RBL1: variants seen among roughly 807,000 people sequenced by gnomAD.
The protein encoded by RBL1 is RB transcriptional corepressor like 1.
In RBL1, 82 loss-of-function variants were observed where a neutral mutation model predicts 123.0. The observed-to-expected ratio is 0.67, with a 90% CI of 0.56 to 0.80. RBL1 has a LOEUF of 0.80. Ranked by LOEUF, RBL1 falls within the 30% of genes least tolerant of loss-of-function variation. RBL1 has a pLI of 0.00. For missense variants in RBL1, 1,171 were observed against 1,299.6 expected, an observed-to-expected ratio of 0.90 and a Z score of 1.52; for synonymous variants, 405 against 441.3, an observed-to-expected ratio of 0.92 and a Z score of 1.03.
intron 11 of RBL1, among the ~76,000 whole-genome samples, chr20:37,054,767 T>C (rs1164878136): frequency 2.6e-5 from 4 of 151,670 alleles, no homozygotes; most frequent in East Asian, 1.9e-4. Flanking sequence ...GAGATGGAGG[T>C]TGCAGTGAGC....
In RBL1 at chr20:37,067,125, T is replaced by C. The variant is rs1600568687; in HGVS notation, c.557-4A>G. ...TCCCCAATCATCCGAAAATTACCTT[T>C]ATAAGGGAAAAAAAAAAAAAAAAGA... On this transcript the variant is annotated splice_region_variant and splice_polypyrimidine_tract_variant and intron_variant, in intron 4 of 21. Coordinates refer to ENST00000373664, the MANE Select transcript of RBL1 (RefSeq NM_002895.5). The C allele has an allele frequency of 6.4e-7, 1 of 1,563,244 alleles. No individual in the cohort carries two copies. Among genetic ancestry groups the C allele is most frequent in the Non-Finnish European group, 8.6e-7 (1 of 1,165,122 alleles).
chr20:37,084,725 A>G (rs964420597), intron 2 of RBL1, among the ~76,000 whole-genome samples: 4 of 152,140 alleles, frequency 2.6e-5, no homozygotes, highest in African/African-American at 9.7e-5. Flanking sequence ...AGAAAATAAA[A>G]AGAAAAAATA....
At chr20:37,024,634 A>G (rs1162796609) in intron 16 of RBL1, among the ~76,000 whole-genome samples, 1 of 152,188 alleles carries the variant, frequency 6.6e-6, no homozygotes, top group African/African-American at 2.4e-5. Flanking sequence ...AGTTCCTTTT[A>G]TATTTTCTAG....
chr20:37,018,467 C>G, intron 18 of RBL1, 98 bp from the exon 19 acceptor site: 1 of 1,446,676 alleles, frequency 6.9e-7, no homozygotes, highest in Non-Finnish European at 9.1e-7. Flanking sequence ...CAATTAAAAA[C>G]TATTTGTCTG....
intron 21 of RBL1, among the ~76,000 whole-genome samples, chr20:37,000,151 A>C (rs1203738759): frequency 7.4e-6 from 1 of 134,656 alleles, no homozygotes; most frequent in Admixed American, 7.3e-5. Flanking sequence ...GCCCCGTCTG[A>C]GAAGTGAGGA....
In RBL1 at chr20:37,047,147, C is replaced by G; in HGVS notation, c.1511G>C (p.Cys504Ser). Reference sequence around the variant, plus strand: ...GGCAAAGAGCACAATTTCCAAACAACAAGCCATCAAGGAACGATGAAATAT... The same window carrying G: ...GGCAAAGAGCACAATTTCCAAACAAGAAGCCATCAAGGAACGATGAAATAT... ...QDIFHRSLMA[C>S]CLEIVLFAYS... The change falls in exon 12 of 22, where the codon TGT becomes TCT. Residue 504 changes from cysteine (C) to serine (S), a missense_variant. Cys to Ser is a moderately radical substitution (Grantham distance 112). Transcript: ENST00000373664. 3 of 1,605,606 alleles carry G rather than the reference C, an allele frequency of 1.9e-6. No homozygotes were observed. The highest frequency in any genetic ancestry group is 2.5e-6 in the Non-Finnish European group (3 of 1,178,372).
At chr20:37,012,596 C>A (rs2064174431) in intron 19 of RBL1, among the ~76,000 whole-genome samples, 2 of 144,890 alleles carry the variant, frequency 1.4e-5, no homozygotes, top group Non-Finnish European at 3.0e-5. Context: ...CCCAGCCGCC[C>A]CGTCTGAGAA....
intron 2 of RBL1, among the ~76,000 whole-genome samples, chr20:37,076,396 C>T (rs2065364476): frequency 6.6e-6 from 1 of 152,142 alleles, no homozygotes; most frequent in African/African-American, 2.4e-5. Flanking sequence ...CTCTCTTTCT[C>T]AAAATATCTT....
intron 11 of RBL1, among the ~76,000 whole-genome samples, chr20:37,051,507 A>G (rs1201986617): frequency 6.6e-6 from 1 of 152,162 alleles, no homozygotes; most frequent in Non-Finnish European, 1.5e-5. Flanking sequence ...AATTCTGTAC[A>G]TAGACAACTA....
intron 9 of RBL1, among the ~76,000 whole-genome samples, chr20:37,057,916 A>G (rs2065033923): frequency 6.6e-6 from 1 of 151,970 alleles, no homozygotes; most frequent in African/African-American, 2.4e-5. Flanking sequence ...ACCTGAGGTC[A>G]GGAGTTCGAG....
rs954109051 is a variant in RBL1, at chr20:37,002,811, G to A, written c.3036+891C>T. Among the ~76,000 whole-genome samples, 9 of 151,726 alleles carry A rather than the reference G, an allele frequency of 5.9e-5. 1 individual carries two copies. The East Asian group carries it at 1.2e-3, about 20-fold the overall frequency. ...CGGCTCACTGCAACCTCCGCCTGCC[G>A]GGTTCAAGTGATTCTCCTGCCTCAG... On this transcript the variant is annotated intron_variant, in intron 21 of 21. Coordinates refer to ENST00000373664, the MANE Select transcript of RBL1 (RefSeq NM_002895.5).
intron 1 of RBL1, among the ~76,000 whole-genome samples, chr20:37,091,171 A>G (rs746648735): frequency 2.6e-5 from 4 of 151,972 alleles, no homozygotes; most frequent in African/African-American, 9.7e-5. Context: ...AGCCTGGCCA[A>G]TGTGGCGAAA....
chr20:37,069,801 G>A lies in RBL1; in HGVS notation c.291-1615C>T, dbSNP rs537259017. 2.6e-5 allele frequency among the ~76,000 whole-genome samples: 4 copies of A among 151,514 alleles called. No individual in the cohort carries two copies. In the East Asian group the frequency reaches 7.8e-4, roughly 30 times the overall value. ...ACCCCCATCCGGGAGGGAGGTGGGG[G>A]GGTCAGCCCCCTGCCAGGCCAGCCG... On this transcript the variant is annotated intron_variant, in intron 2 of 21. Transcript: ENST00000373664.
At chr20:37,038,746 G>A (rs1389073210) in intron 14 of RBL1, among the ~76,000 whole-genome samples, 1 of 151,562 alleles carries the variant, frequency 6.6e-6, no homozygotes, top group Non-Finnish European at 1.5e-5. Context: ...GGGATTACAG[G>A]CACCCGCCAC....
At chr20:37,017,093 C>CTTAA (rs1329199706) in intron 19 of RBL1, among the ~76,000 whole-genome samples, 1 of 152,012 alleles carries the variant, frequency 6.6e-6, no homozygotes, top group East Asian at 1.9e-4. Flanking sequence ...AGTACCTAGG[C>CTTAA]TTAGCACAGT....
At chr20:37,035,611 G>T in intron 14 of RBL1, 103 bp from the exon 15 acceptor site, 1 of 1,016,290 alleles carries the variant, frequency 9.8e-7, no homozygotes, top group Non-Finnish European at 1.4e-6. Flanking sequence ...CTGGGCACTA[G>T]CTAGATATGA....
At chr20:37,065,095 C>A (rs537722942) in intron 7 of RBL1, among the ~76,000 whole-genome samples, 1 of 152,066 alleles carries the variant, frequency 6.6e-6, no homozygotes, top group African/African-American at 2.4e-5. Flanking sequence ...CTACGTCTGG[C>A]TGATTTTTGT....
At chr20:37,003,560 G>A in intron 21 of RBL1, 142 bp downstream of exon 21, 1 of 1,296,240 alleles carries the variant, frequency 7.7e-7, no homozygotes, top group Non-Finnish European at 1.0e-6. Context: ...TGCTCTTGAT[G>A]AGAGGAGACA....
In RBL1 at chr20:36,996,955, T is replaced by C. The variant is rs1380135179; in HGVS notation, c.*1804A>G. ...ACCAAAATCCCTTTTCTTCTTAAAATTGAAAAATGAAATTCTTGAGAATAC... is the reference window on the plus strand; with the variant it reads ...ACCAAAATCCCTTTTCTTCTTAAAACTGAAAAATGAAATTCTTGAGAATAC... On this transcript the variant is annotated 3_prime_UTR_variant, in exon 22 of 22. Coordinates refer to ENST00000373664, the MANE Select transcript of RBL1 (RefSeq NM_002895.5). 3 of 152,184 alleles carry C rather than the reference T, an allele frequency of 2.0e-5. No homozygotes were observed. Among genetic ancestry groups the C allele is most frequent in the Non-Finnish European group, 4.4e-5 (3 of 68,040 alleles). The allele number at this position is 152,184 out of a possible 1,614,324, so 9.4% of individuals were successfully genotyped here. A position where few individuals can be genotyped will look rare whatever the true frequency, so the allele number is the denominator to read the frequency against.
Sources: allele counts gnomAD v4.1 joint callset (sites outside exome capture counted in the v4.1 genomes callset), GRCh38; gene constraint gnomAD v4.1.1; transcripts MANE v1.5; gene names NCBI Gene and HGNC (gene_info 2026-07-23, HGNC 2026-07-21).